EPB41L3: variants seen among roughly 807,000 people sequenced by gnomAD.
The protein encoded by EPB41L3 is band 4.1-like protein 3.
In EPB41L3, 57 loss-of-function variants were observed where a neutral mutation model predicts 127.1. The ratio of observed to expected loss-of-function variants is 0.45; its 90% CI spans 0.36 to 0.56. EPB41L3 has a LOEUF of 0.56. Ranked by LOEUF, EPB41L3 falls within the 20% of genes least tolerant of loss-of-function variation. The pLI is 0.00. For synonymous variants in EPB41L3, 572 were observed against 549.5 expected (o/e 1.04, Z -0.57); for missense variants, 1,273 against 1,372.2 (o/e 0.93, Z 1.14).
At chr18:5,629,415 C>CA (rs1555828630), upstream of EPB41L3, among the ~76,000 whole-genome samples, 1 of 143,754 alleles carries the variant, frequency 7.0e-6, no homozygotes, top group Non-Finnish European at 1.5e-5. Flanking sequence ...TCCTTACACA[C>CA]CACACACACA....
At chr18:5,628,293 T>C (rs962437649) in intron 1 of EPB41L3, among the ~76,000 whole-genome samples, 7 of 152,284 alleles carry the variant, frequency 4.6e-5, no homozygotes. Flanking sequence ...CCATCGTTTC[T>C]ACTTTCATTC....
chr18:5,551,586 G>A (rs535426749), intron 3 of EPB41L3, among the ~76,000 whole-genome samples: 1 of 152,200 alleles, frequency 6.6e-6, no homozygotes, highest in South Asian at 2.1e-4. Context: ...CTGGCGTAGT[G>A]GAGCATGCCT....
chr18:5,624,532 G>A (rs1555826045), intron 1 of EPB41L3, among the ~76,000 whole-genome samples: 1 of 152,198 alleles, frequency 6.6e-6, no homozygotes, highest in Non-Finnish European at 1.5e-5. Flanking sequence ...TGTGGGTAGA[G>A]GGTGGTTTTT....
chr18:5,627,057 C>CCTTCCGCGGA (rs1385116641), intron 1 of EPB41L3, among the ~76,000 whole-genome samples: 1 of 152,134 alleles, frequency 6.6e-6, no homozygotes, highest in African/African-American at 2.4e-5. Context: ...TGCAGGCTGA[C>CCTTCCGCGGA]CTTCCGCGGA....
intron 22 of EPB41L3, 95 bp downstream of exon 22, chr18:5,394,582 C>T (rs533838702): frequency 3.4e-6 from 3 of 877,194 alleles, no homozygotes; most frequent in African/African-American, 3.3e-5. Flanking sequence ...AGTGAGAGAA[C>T]AGAGGAAAGG....
At chr18:5,630,381 G>C (rs1672990984), upstream of EPB41L3, 1 of 518,510 alleles carries the variant, frequency 1.9e-6, no homozygotes, top group African/African-American at 1.9e-5. Context: ...GCTCACCTGA[G>C]TCACCGAAGC....
chr18:5,607,149 T>G (rs1254443673), intron 3 of EPB41L3, among the ~76,000 whole-genome samples: 1 of 152,190 alleles, frequency 6.6e-6, no homozygotes, highest in Non-Finnish European at 1.5e-5. Flanking sequence ...GGAGAGGAAC[T>G]ACTAGAAGCC....
In EPB41L3 at chr18:5,506,251, T is replaced by C. The variant is rs73937145; in HGVS notation, c.-11-17057A>G. ...AATATAAATAAAAACATGTCACGTC[T>C]TGGCTCAAAATCCTCCAATGACTCT... On this transcript the variant is annotated intron_variant, in intron 1 of 22. Transcript: ENST00000341928. Among the ~76,000 whole-genome samples the C allele has an allele frequency of 5.6e-3, 860 of 152,262 alleles. 7 individuals are homozygous for C. The highest frequency in any genetic ancestry group is 0.02 in the African/African-American group (826 of 41,552).
chr18:5,487,774 T>A (rs1476732260), intron 2 of EPB41L3, among the ~76,000 whole-genome samples: 1 of 150,066 alleles, frequency 6.7e-6, no homozygotes, highest in Non-Finnish European at 1.5e-5. Context: ...CTCAAATTTT[T>A]AATAAGTATA....
intron 1 of EPB41L3, among the ~76,000 whole-genome samples, chr18:5,504,367 T>C (rs976492758): frequency 2.0e-5 from 3 of 152,196 alleles, no homozygotes; most frequent in African/African-American, 7.2e-5. Context: ...CAATCCTGAA[T>C]GTCAAGAAAA....
chr18:5,552,224 G>A (rs1598923127), intron 3 of EPB41L3, among the ~76,000 whole-genome samples: 2 of 152,352 alleles, frequency 1.3e-5, no homozygotes, highest in Admixed American at 6.5e-5. Flanking sequence ...TCACAACCTA[G>A]GGGAAACCTA....
At chr18:5,451,512 T>G (rs2082275140) in intron 3 of EPB41L3, among the ~76,000 whole-genome samples, 1 of 152,218 alleles carries the variant, frequency 6.6e-6, no homozygotes, top group African/African-American at 2.4e-5. Context: ...GCACTTTCTA[T>G]ATTCTGCCTT....
chr18:5,570,992 T>C (rs2094272716), intron 3 of EPB41L3: 1 of 152,218 alleles, frequency 6.6e-6, no homozygotes, highest in East Asian at 1.9e-4. Flanking sequence ...TTTAGAGACA[T>C]TTTTTTCTTT....
intron 1 of EPB41L3, among the ~76,000 whole-genome samples, chr18:5,522,090 C>T (rs2093013902): frequency 6.6e-6 from 1 of 150,862 alleles, no homozygotes. Context: ...AATGCCAAAT[C>T]GTTATTTATT....
At chr18:5,537,197 G>A (rs1427938302) in intron 1 of EPB41L3, among the ~76,000 whole-genome samples, 2 of 152,130 alleles carry the variant, frequency 1.3e-5, no homozygotes, top group Non-Finnish European at 2.9e-5. Flanking sequence ...GGTAGATAAT[G>A]ACATTGCCTT....
At chr18:5,491,936 T>C (rs1420634891) in intron 1 of EPB41L3, among the ~76,000 whole-genome samples, 2 of 152,184 alleles carry the variant, frequency 1.3e-5, no homozygotes, top group African/African-American at 4.8e-5. Flanking sequence ...CAAATTCTAT[T>C]TCAAAACTTG....
chr18:5,551,875 G>A (rs556526967), intron 3 of EPB41L3, among the ~76,000 whole-genome samples: 47 of 152,248 alleles, frequency 3.1e-4, no homozygotes, highest in African/African-American at 1.1e-3. Context: ...TGCTTAAGCT[G>A]TATCCCAAAC....
At chr18:5,608,050 T>G (rs1167573428) in intron 3 of EPB41L3, among the ~76,000 whole-genome samples, 1 of 152,192 alleles carries the variant, frequency 6.6e-6, no homozygotes, top group African/African-American at 2.4e-5. Flanking sequence ...GGTTTAGCTG[T>G]GCTGCAGTCT....
At chr18:5,611,540 T>C (rs2094725359) in intron 3 of EPB41L3, among the ~76,000 whole-genome samples, 1 of 152,238 alleles carries the variant, frequency 6.6e-6, no homozygotes, top group Admixed American at 6.5e-5. Flanking sequence ...TGGAGATTAG[T>C]TGTAAAACAA....
Sources: allele counts gnomAD v4.1 joint callset (sites outside exome capture counted in the v4.1 genomes callset), GRCh38; gene constraint gnomAD v4.1.1; transcripts MANE v1.5; gene names NCBI Gene and HGNC (gene_info 2026-07-23, HGNC 2026-07-21).